Variants in FAM24B observed in about 807,000 individuals in gnomAD.
FAM24B encodes the protein protein FAM24B.
In FAM24B, 3 loss-of-function variants were observed where a neutral mutation model predicts 2.3. The observed-to-expected ratio is 1.29, with a 90% confidence interval of 0.59 to 3.32. The LOEUF is 3.32. FAM24B is among the 30% of genes most tolerant of loss of function. FAM24B has a pLI of 0.03. For synonymous variants in FAM24B, 36 were observed against 46.3 expected (o/e 0.78, Z 0.90); for missense variants, 98 against 117.2 (o/e 0.84, Z 0.76).
At chr10:122,850,074 A>G (rs576255163) in intron 3 of FAM24B, among the ~76,000 whole-genome samples, 4 of 152,184 alleles carry the variant, frequency 2.6e-5, no homozygotes, top group Non-Finnish European at 5.9e-5. Flanking sequence ...CAGAATCTGC[A>G]GCCTACAGTG....
At chr10:122,865,590 G>C (rs529481542) in intron 1 of FAM24B, among the ~76,000 whole-genome samples, 38 of 152,212 alleles carry the variant, frequency 2.5e-4, no homozygotes, top group African/African-American at 7.5e-4. Flanking sequence ...TTCTCCTAAT[G>C]ATTTTATTTT....
chr10:122,877,705 C>A (rs1256881230), intron 1 of FAM24B, among the ~76,000 whole-genome samples: 2 of 152,116 alleles, frequency 1.3e-5, no homozygotes, highest in Non-Finnish European at 2.9e-5. Context: ...CCTAAATGTC[C>A]CAAAAGCCCA....
intron 1 of FAM24B, among the ~76,000 whole-genome samples, chr10:122,865,261 T>C (rs958172783): frequency 1.3e-5 from 2 of 152,238 alleles, no homozygotes; most frequent in African/African-American, 4.8e-5. Context: ...TTTGTACATG[T>C]TCTTTATTAA....
chr10:122,871,918 A>C (rs1055969088), intron 1 of FAM24B, among the ~76,000 whole-genome samples: 7 of 152,238 alleles, frequency 4.6e-5, no homozygotes, highest in Non-Finnish European at 8.8e-5. Context: ...CAATGGCAAC[A>C]AAAGCCAAAA....
In FAM24B at chr10:122,860,449, T is replaced by C. The variant is rs1466758762; in HGVS notation, c.-177-4663A>G. On this transcript the variant is annotated intron_variant, in intron 1 of 3. Transcript: ENST00000368898. ...GACATGTGGATTTATTTCCAGGTTT[T>C]GACAATTATAAAAAAGCTGCTATAA... is the stretch of plus-strand genomic sequence containing the variant. Among the ~76,000 whole-genome samples, 3 of 152,236 alleles carry C rather than the reference T, an allele frequency of 2.0e-5. No homozygotes were observed. The East Asian group carries it at 5.8e-4, about 29-fold the overall frequency.
intron 1 of FAM24B, among the ~76,000 whole-genome samples, chr10:122,869,486 T>C (rs904837596): frequency 6.6e-6 from 1 of 152,170 alleles, no homozygotes; most frequent in Non-Finnish European, 1.5e-5. Context: ...TACACATTCT[T>C]TTAAGCACCA....
chr10:122,854,157 C>T (rs1470374716), intron 2 of FAM24B, among the ~76,000 whole-genome samples: 5 of 152,134 alleles, frequency 3.3e-5, no homozygotes, highest in Non-Finnish European at 2.9e-5. Flanking sequence ...GCAGTTAAAC[C>T]CTGACCAATA....
intron 2 of FAM24B, among the ~76,000 whole-genome samples, chr10:122,854,781 TCTATGGAAATTCTCTG>T (rs1847608462): frequency 6.6e-6 from 1 of 152,204 alleles, no homozygotes; most frequent in African/African-American, 2.4e-5. Context: ...TGGCCTTTTC[TCTATGGAAATTCTCTG>T]TAATACACAT....
chr10:122,849,373 C>T lies in FAM24B; in HGVS notation c.159G>A (p.Lys53=). ...NHNPDKVWWA[K]NSQAKTIATE... ...TGGCAATGGTTTTGGCCTGGCTGTT[C>T]TTGGCCCACCACACCTTGTCTGGGT... is the stretch of plus-strand genomic sequence containing the variant. Residue 53 remains lysine, a synonymous_variant, in exon 4 of 4, where the codon AAG becomes AAA. Coordinates refer to ENST00000368898, the MANE Select transcript of FAM24B (RefSeq NM_152644.3). The T allele has an allele frequency of 6.2e-7, 1 of 1,613,554 alleles. No individual in the cohort carries two copies. Among genetic ancestry groups the T allele is most frequent in the Non-Finnish European group, 8.5e-7 (1 of 1,179,776 alleles).
intron 1 of FAM24B, among the ~76,000 whole-genome samples, chr10:122,857,029 G>T (rs1847651806): frequency 6.6e-6 from 1 of 152,128 alleles, no homozygotes; most frequent in Non-Finnish European, 1.5e-5. Context: ...CCTATTTCTT[G>T]CTGGCTAATG....
chr10:122,878,304 G>A (rs1039575830), intron 1 of FAM24B, among the ~76,000 whole-genome samples: 4 of 152,118 alleles, frequency 2.6e-5, no homozygotes, highest in Admixed American at 1.3e-4. Context: ...GAGCCGAGGC[G>A]GGCGGATCAC....
intron 3 of FAM24B, 42 bp downstream of exon 3, chr10:122,850,382 G>T: frequency 6.6e-7 from 1 of 1,507,992 alleles, no homozygotes; most frequent in Non-Finnish European, 9.2e-7. Flanking sequence ...TTCCCCATGT[G>T]ACTCACTTTA....
Position 122,849,442 on chromosome 10 carries a change from T to G in FAM24B, c.93-3A>C, listed in dbSNP as rs775105556. On this transcript the variant is annotated splice_region_variant and splice_polypyrimidine_tract_variant and intron_variant, in intron 3 of 3. Transcript: ENST00000368898. ...CAGCTTCAGGTTCCTTTGCAGCTCT[T>G]GAGAAAAGACACACACAAAGCACAG... 28 of 1,605,060 alleles carry G rather than the reference T, an allele frequency of 1.7e-5. No individual in the cohort carries two copies. The highest frequency in any genetic ancestry group is 2.4e-5 in the Non-Finnish European group (28 of 1,175,578).
At chr10:122,864,900 C>T (rs1847779026) in intron 1 of FAM24B, among the ~76,000 whole-genome samples, 1 of 152,182 alleles carries the variant, frequency 6.6e-6, no homozygotes, top group South Asian at 2.1e-4. Context: ...TACTTGCTAG[C>T]TCATTTATTT....
At chr10:122,850,579 A>C in intron 2 of FAM24B, 29 bp from the exon 3 acceptor site, 1 of 1,192,478 alleles carries the variant, frequency 8.4e-7, no homozygotes, top group Non-Finnish European at 1.3e-6. Flanking sequence ...GCAAGCACTG[A>C]GCCCACGTGG....
intron 1 of FAM24B, among the ~76,000 whole-genome samples, chr10:122,876,370 A>G (rs1423683679): frequency 6.6e-6 from 1 of 152,180 alleles, no homozygotes; most frequent in Non-Finnish European, 1.5e-5. Flanking sequence ...CTTTCCCTTG[A>G]GAGAAGGCTT....
chr10:122,877,264 A>C (rs988783306), intron 1 of FAM24B, among the ~76,000 whole-genome samples: 20 of 152,196 alleles, frequency 1.3e-4, no homozygotes, highest in Admixed American at 1.2e-3. Context: ...ATTGTAGTAA[A>C]GAAAGAGTTT....
At chr10:122,878,723 G>A (rs1247646065) in intron 1 of FAM24B, among the ~76,000 whole-genome samples, 2 of 151,622 alleles carry the variant, frequency 1.3e-5, no homozygotes, top group African/African-American at 2.4e-5. Context: ...GGCAGAGATG[G>A]AGAAAGACAG....
chr10:122,856,194 C>T (rs997114365), intron 1 of FAM24B, among the ~76,000 whole-genome samples: 1 of 152,124 alleles, frequency 6.6e-6, no homozygotes, highest in Admixed American at 6.6e-5. Flanking sequence ...TGACTCACAT[C>T]TTTGCCATGG....
Sources: gnomAD v4.1 joint callset for allele counts (sites outside exome capture counted in the v4.1 genomes callset) on GRCh38, gnomAD v4.1.1 for gene constraint, MANE v1.5 for transcripts, NCBI Gene and HGNC (gene_info 2026-07-23, HGNC 2026-07-21) for gene names.